MC2R: variants seen among roughly 807,000 people sequenced by gnomAD.
MC2R encodes the protein melanocortin 2 receptor.
In MC2R, 9 loss-of-function variants were observed where a neutral mutation model predicts 9.8. That is an observed-to-expected ratio of 0.92 (90% CI 0.55 to 1.60). The LOEUF (loss-of-function observed/expected upper bound fraction) is 1.60, where lower values mean the gene tolerates loss of function less well. Among genes scored for constraint, MC2R ranks in the 40% most tolerant of loss-of-function variants. The pLI, the probability that MC2R is intolerant of heterozygous loss-of-function variation, is 0.00. For missense variants in MC2R, 370 were observed against 389.0 expected (o/e 0.95, Z 0.41); for synonymous variants, 185 against 154.7 (o/e 1.20, Z -1.45).
chr18:13,912,160 T>G (rs1339029474), intron 1 of MC2R, among the ~76,000 whole-genome samples: 1 of 152,248 alleles, frequency 6.6e-6, no homozygotes, highest in Non-Finnish European at 1.5e-5. Flanking sequence ...AATTCTGCAC[T>G]TTAAGGGCAA....
rs1242026134 is a variant in MC2R, at chr18:13,883,676, CTCTT to C, written c.*945_*948del. ...TCTCTCTGTCTGTCTCTGTCTCTCTCTCTTTATTTCTTAAAATACATGTTGGGGC... is the reference window on the plus strand; with the variant it reads ...TCTCTCTGTCTGTCTCTGTCTCTCTCTATTTCTTAAAATACATGTTGGGGC... On this transcript the variant is annotated 3_prime_UTR_variant, in exon 2 of 2. Coordinates refer to ENST00000327606, the MANE Select transcript of MC2R (RefSeq NM_000529.2). 1 of 151,908 alleles carries C rather than the reference CTCTT, an allele frequency of 6.6e-6. No homozygotes were observed. The highest frequency in any genetic ancestry group is 2.4e-5 in the African/African-American group (1 of 41,262). The allele number at this position is 151,908 out of a possible 1,614,324, so 9.4% of individuals were successfully genotyped here. A position where few individuals can be genotyped will look rare whatever the true frequency, so the allele number is the denominator to read the frequency against.
At chr18:13,909,562 T>C (rs2045432967) in intron 1 of MC2R, among the ~76,000 whole-genome samples, 1 of 152,224 alleles carries the variant, frequency 6.6e-6, no homozygotes, top group Non-Finnish European at 1.5e-5. Context: ...TCCCTATTTA[T>C]TTATTTATTC....
intron 1 of MC2R, among the ~76,000 whole-genome samples, chr18:13,886,111 G>A (rs2045274698): frequency 6.6e-6 from 1 of 152,184 alleles, no homozygotes; most frequent in South Asian, 2.1e-4. Flanking sequence ...ATTACCCTAT[G>A]GGTAACACGT....
intron 1 of MC2R, among the ~76,000 whole-genome samples, chr18:13,901,174 G>T (rs2045377799): frequency 6.6e-6 from 1 of 151,864 alleles, no homozygotes; most frequent in Non-Finnish European, 1.5e-5. Context: ...TAAATAAATT[G>T]AAAAATTTTA....
At position 13,885,207 on chromosome 18, in the gene MC2R, G is replaced by A; in HGVS notation, c.312C>T (p.Asp104=). The part of the protein sequence containing the change: ...PRGSFETTAD[D]IIDSLFVLSL... ...AGAGGACAAACAGGGAGTCGATGAT[G>A]TCATCGGCTGTGGTTTCAAAACTGC... The change falls in exon 2 of 2, where the codon GAC becomes GAT. Residue 104 remains aspartate (D), a synonymous_variant. Transcript: ENST00000327606. The A allele has an allele frequency of 6.2e-7, 1 of 1,614,142 alleles. No individual in the cohort carries two copies. The highest frequency in any genetic ancestry group is 8.5e-7 in the Non-Finnish European group (1 of 1,179,986).
Position 13,882,993 on chromosome 18 carries a change from G to A in MC2R, c.*1632C>T, listed in dbSNP as rs866945191. The A allele has an allele frequency of 4.6e-5, 7 of 152,174 alleles. No homozygotes were observed. Among genetic ancestry groups the A allele is most frequent in the African/African-American group, 9.7e-5 (4 of 41,418 alleles). 9.4% of individuals were successfully genotyped at this position (152,174 alleles called of 1,614,324 possible). ...TGTGGGACAGGCCATGTGAAAGCAC[G>A]CCTGCCACTGTCCTCACTTGACTCC... On this transcript the variant is annotated 3_prime_UTR_variant, in exon 2 of 2. Transcript: ENST00000327606.
At position 13,884,249 on chromosome 18, in the gene MC2R, C is replaced by A. The variant is rs886053649; in HGVS notation, c.*376G>T. 3.1e-6 allele frequency: 1 copy of A among 321,190 alleles called. No individual in the cohort carries two copies. 19.9% of individuals were successfully genotyped at this position (321,190 alleles called of 1,614,324 possible). ...GGCTTGTTAGATGTCCACAGGAAAG[C>A]AAGTCTTTGCCTTAGCCCAAAGCCC... On this transcript the variant is annotated 3_prime_UTR_variant, in exon 2 of 2. Transcript: ENST00000327606.
In MC2R at chr18:13,885,005, C is replaced by A. The variant is rs1412458030; in HGVS notation, c.514G>T (p.Val172Leu). ...GITMVIFSHH[V>L]PTVITFTSLF... ...GACGTGAAGGTGATCACTGTGGGCA[C>A]ATGATGGGAGAAGATCACCATGGTG... Residue 172 changes from valine to leucine, a missense_variant, in exon 2 of 2, where the codon GTG (valine) becomes TTG (leucine). Val to Leu is a conservative substitution (Grantham distance 32). Coordinates refer to ENST00000327606, the MANE Select transcript of MC2R (RefSeq NM_000529.2). 1 of 1,614,136 alleles carries A rather than the reference C, an allele frequency of 6.2e-7. No homozygotes were observed. Among genetic ancestry groups the A allele is most frequent in the South Asian group, 1.1e-5 (1 of 91,084 alleles).
chr18:13,907,653 A>G (rs1418467046), intron 1 of MC2R, among the ~76,000 whole-genome samples: 1 of 152,220 alleles, frequency 6.6e-6, no homozygotes, highest in Non-Finnish European at 1.5e-5. Flanking sequence ...CAGATTACAT[A>G]AGGAGCTCAA....
At chr18:13,901,099 T>C (rs1598466007) in intron 1 of MC2R, among the ~76,000 whole-genome samples, 1 of 152,286 alleles carries the variant, frequency 6.6e-6, no homozygotes, top group South Asian at 2.1e-4. Flanking sequence ...GGAGGAATTA[T>C]GGAAACTATA....
intron 1 of MC2R, among the ~76,000 whole-genome samples, chr18:13,913,939 T>C (rs1172923280): frequency 6.6e-6 from 1 of 152,140 alleles, no homozygotes; most frequent in Non-Finnish European, 1.5e-5. Context: ...AGCAATTATA[T>C]TTGCCTAATG....
chr18:13,894,820 C>A (rs564903501), intron 1 of MC2R, among the ~76,000 whole-genome samples: 1 of 152,078 alleles, frequency 6.6e-6, no homozygotes, highest in African/African-American at 2.4e-5. Flanking sequence ...CGAATCTTTC[C>A]TCTGTCTAAA....
chr18:13,897,177 G>A (rs1027835729), intron 1 of MC2R, among the ~76,000 whole-genome samples: 4 of 152,224 alleles, frequency 2.6e-5, no homozygotes, highest in Admixed American at 6.5e-5. Context: ...CAGTGGTAGC[G>A]TGGTGTGGAG....
At position 13,885,562 on chromosome 18, in the gene MC2R, C is replaced by G. The variant is rs28926177; in HGVS notation, c.-44G>C. 9.6e-3 allele frequency: 15,478 copies of G among 1,606,668 alleles called. 99 individuals carry two copies. The highest frequency in any genetic ancestry group is 0.014 in the Middle Eastern group (85 of 6,060). ...AGGCGGGGATGTTACTTGGACTTGA[C>G]TTCACGGAAAACTTGATTGATTCTT... On this transcript the variant is annotated 5_prime_UTR_variant, in exon 2 of 2. Transcript: ENST00000327606.
At chr18:13,896,556 C>T (rs2045347267) in intron 1 of MC2R, among the ~76,000 whole-genome samples, 1 of 152,108 alleles carries the variant, frequency 6.6e-6, no homozygotes, top group South Asian at 2.1e-4. Context: ...ATAAAATAAG[C>T]ATCTATGATT....
At position 13,896,325 on chromosome 18, in the gene MC2R, C is replaced by T. The variant is rs1334433985; in HGVS notation, c.-128-10679G>A. Reference sequence around the variant, plus strand: ...TGACACCTAGAAGCAGCCATTCCCTCCCTGACCCTGGCACAAAGCTTTCTC... The same window carrying T: ...TGACACCTAGAAGCAGCCATTCCCTTCCTGACCCTGGCACAAAGCTTTCTC... On this transcript the variant is annotated intron_variant, in intron 1 of 1. Coordinates refer to ENST00000327606, the MANE Select transcript of MC2R (RefSeq NM_000529.2). Among the ~76,000 whole-genome samples the T allele has an allele frequency of 2.0e-5, 3 of 152,276 alleles. No individual in the cohort carries two copies. The East Asian group carries it at 5.8e-4, about 29-fold the overall frequency.
In MC2R at chr18:13,883,486, G is replaced by A. The variant is rs768304586; in HGVS notation, c.*1139C>T. On this transcript the variant is annotated 3_prime_UTR_variant, in exon 2 of 2. Transcript: ENST00000327606. ...ATGAGGTGGTGTTTGCCTCCCTCAG[G>A]TCTTTGACTTGGGGCTATAATAACA... is the stretch of plus-strand genomic sequence containing the variant. 6.6e-6 allele frequency: 1 copy of A among 151,858 alleles called. No individual in the cohort carries two copies. The allele number at this position is 151,858 out of a possible 1,614,324, so 9.4% of individuals were successfully genotyped here. A position where few individuals can be genotyped will look rare whatever the true frequency, so the allele number is the denominator to read the frequency against.
At chr18:13,892,632 C>CT (rs34775041) in intron 1 of MC2R, among the ~76,000 whole-genome samples, 21 of 150,994 alleles carry the variant, frequency 1.4e-4, no homozygotes, top group South Asian at 4.2e-4. Flanking sequence ...AATAAATGAA[C>CT]TTTTTTTTTT....
intron 1 of MC2R, among the ~76,000 whole-genome samples, chr18:13,890,777 C>T (rs925986302): frequency 2.6e-5 from 4 of 152,182 alleles, no homozygotes; most frequent in Non-Finnish European, 5.9e-5. Context: ...CCCATCGCCA[C>T]CTTCAGAAGT....
Sources: allele counts gnomAD v4.1 joint callset (sites outside exome capture counted in the v4.1 genomes callset), GRCh38; gene constraint gnomAD v4.1.1; transcripts MANE v1.5; gene names NCBI Gene and HGNC (gene_info 2026-07-23, HGNC 2026-07-21).